The following MEF2D variants were observed in gnomAD, a reference collection of about 807,000 sequenced individuals.
MEF2D encodes the protein myocyte enhancer factor 2D, also known as myocyte-specific enhancer factor 2D.
In MEF2D, 10 loss-of-function variants were observed where a neutral mutation model predicts 59.3. That is an observed-to-expected ratio of 0.17 (90% CI 0.10 to 0.29). MEF2D has a LOEUF of 0.29. Among genes scored for constraint, MEF2D ranks in the 10% least tolerant of loss-of-function variants. MEF2D has a pLI of 1.00. For missense variants in MEF2D, 508 were observed against 699.4 expected, an observed-to-expected ratio of 0.73 and a Z score of 3.09; for synonymous variants, 305 against 295.0, an observed-to-expected ratio of 1.03 and a Z score of -0.35.
chr1:156,483,183 G>A, intron 2 of MEF2D, 56 bp downstream of exon 2: 1 of 1,568,308 alleles, frequency 6.4e-7, no homozygotes, highest in Admixed American at 1.7e-5. Context: ...AGGGAGTAGA[G>A]GCAGAGGCCT....
At position 156,482,623 on chromosome 1, in the gene MEF2D, C is replaced by T. The variant is rs1343430317; in HGVS notation, c.72G>A (p.Arg24=). 6.2e-7 allele frequency: 1 copy of T among 1,614,262 alleles called. No homozygotes were observed. Among genetic ancestry groups the T allele is most frequent in the Non-Finnish European group, 8.5e-7 (1 of 1,180,050 alleles). Residue 24 remains arginine (R), a synonymous_variant, in exon 3 of 12, where the codon CGG becomes CGA. Coordinates refer to ENST00000348159, the MANE Select transcript of MEF2D (RefSeq NM_005920.4). ...ERNRQVTFTK[R]KFGLMKKAYE... is the part of the protein sequence containing the mutation. ...ACGCCTTCTTCATCAGGCCAAACTT[C>T]CGCTTGGTGAAAGTCACCTGCAGAG... is the stretch of plus-strand genomic sequence containing the variant.
At position 156,479,779 on chromosome 1, in the gene MEF2D, G is replaced by A. The variant is rs1216010913; in HGVS notation, c.414C>T (p.Pro138=). The stretch of plus-strand genomic sequence containing the variant: ...GCACCGTGACAGGCATGGCAAAGTT[G>A]GGGGCCGGGACAGTTGACTAGACAG... ...FRRYGSTVPA[P]NFAMPVTVPV... Residue 138 remains proline (P), a synonymous_variant, in exon 5 of 12, where the codon CCC becomes CCT. Coordinates refer to ENST00000348159, the MANE Select transcript of MEF2D (RefSeq NM_005920.4). 1 of 1,551,632 alleles carries A rather than the reference G, an allele frequency of 6.4e-7. No homozygotes were observed. The highest frequency in any genetic ancestry group is 1.2e-5 in the South Asian group (1 of 84,056).
In MEF2D at chr1:156,482,194, G is replaced by C. The variant is rs75809829; in HGVS notation, c.258+243C>G. 5.5e-3 allele frequency among the ~76,000 whole-genome samples: 841 copies of C among 152,354 alleles called. 7 individuals carry two copies. Among genetic ancestry groups the C allele is most frequent in the Non-Finnish European group, 8.7e-3 (593 of 68,036 alleles). The stretch of plus-strand genomic sequence containing the variant: ...ACAGCAGACTCTTGGAGAGGGCAGG[G>C]TGGGTGTGGGCTGGCAGCCTGGCAC... On this transcript the variant is annotated intron_variant, in intron 3 of 11. Transcript: ENST00000348159.
rs1671011595 is a variant in MEF2D, at chr1:156,468,464, G to C, written c.1248-165C>G. Among the ~76,000 whole-genome samples the C allele has an allele frequency of 6.6e-6, 1 of 152,100 alleles. No individual in the cohort carries two copies. The highest frequency in any genetic ancestry group is 1.5e-5 in the Non-Finnish European group (1 of 68,008). ...AATTGGATGGAGAGTGATCAGAAGA[G>C]GGTCGAATGAAGGGAAGAGAAGGGA... is the stretch of plus-strand genomic sequence containing the variant. On this transcript the variant is annotated intron_variant, in intron 10 of 11. Coordinates refer to ENST00000348159, the MANE Select transcript of MEF2D (RefSeq NM_005920.4). This position sits in a 1 kb window ranked among gnomAD's most constrained non-coding sequence, Gnocchi z 4.3.
At position 156,468,897 on chromosome 1, in the gene MEF2D, T is replaced by C. The variant is rs1415980028; in HGVS notation, c.1130A>G (p.Gln377Arg). The part of the protein sequence containing the change: ...PQQPQQPQQP[Q>R]PPQQQPPQPQ... ...CTGCGGTGGCTGCTGCTGTGGAGGC[T>C]GTGGCTGCTGCGGCTGCTGGGGCTG... The change falls in exon 10 of 12, where the codon CAG becomes CGG. Residue 377 changes from glutamine to arginine, a missense_variant. Coordinates refer to ENST00000348159, the MANE Select transcript of MEF2D (RefSeq NM_005920.4). The surrounding 1 kb of genome is among the most constrained non-coding windows in gnomAD (Gnocchi z 4.3). The C allele has an allele frequency of 6.2e-7, 1 of 1,613,176 alleles. No individual in the cohort carries two copies. Among genetic ancestry groups the C allele is most frequent in the Non-Finnish European group, 8.5e-7 (1 of 1,179,670 alleles).
chr1:156,464,999 C>T lies in MEF2D; in HGVS notation c.*2646G>A, dbSNP rs1670755332. ...TCACCCATTCAGCATTTATTGAGTG[C>T]CTACTATGTGCCAGGCACTGGGCGA... On this transcript the variant is annotated 3_prime_UTR_variant, in exon 12 of 12. Coordinates refer to ENST00000348159, the MANE Select transcript of MEF2D (RefSeq NM_005920.4). 1 of 152,382 alleles carries T rather than the reference C, an allele frequency of 6.6e-6. No homozygotes were observed. Among genetic ancestry groups the T allele is most frequent in the South Asian group, 2.1e-4 (1 of 4,830 alleles). The allele number at this position is 152,382 out of a possible 1,614,324, so 9.4% of individuals were successfully genotyped here.
chr1:156,473,234 C>T (rs1374631434), intron 9 of MEF2D, among the ~76,000 whole-genome samples: 2 of 151,932 alleles, frequency 1.3e-5, no homozygotes, highest in Non-Finnish European at 2.9e-5. Flanking sequence ...CTAGGATGGT[C>T]TCGATCTCTT....
At chr1:156,479,385 C>A in intron 5 of MEF2D, 39 bp from the exon 6 acceptor site, 1 of 1,601,052 alleles carries the variant, frequency 6.2e-7, no homozygotes, top group Non-Finnish European at 8.5e-7. Flanking sequence ...TGACAACACT[C>A]CCGCTTCAAG....
rs1670845175 is a variant in MEF2D at position 156,466,353 on chromosome 1, C to G, written c.*1292G>C. ...CACCGCTAACGTTTTCCAAAGGTCG[C>G]TATTTACAATTACAGTAGCCAAGAG... On this transcript the variant is annotated 3_prime_UTR_variant, in exon 12 of 12. Transcript: ENST00000348159. 1 of 152,740 alleles carries G rather than the reference C, an allele frequency of 6.5e-6. No individual in the cohort carries two copies. The highest frequency in any genetic ancestry group is 6.5e-5 in the Admixed American group (1 of 15,282). 9.5% of individuals were successfully genotyped at this position (152,740 alleles called of 1,614,324 possible). A position where few individuals can be genotyped will look rare whatever the true frequency, so the allele number is the denominator to read the frequency against.
intron 9 of MEF2D, among the ~76,000 whole-genome samples, chr1:156,471,314 A>G (rs1023277870): frequency 7.9e-5 from 12 of 152,312 alleles, no homozygotes; most frequent in Middle Eastern, 3.4e-3. Context: ...TATTTTTAGT[A>G]GAGACGGGGT....
chr1:156,489,906 C>A (rs1672647396), intron 1 of MEF2D, among the ~76,000 whole-genome samples: 1 of 152,178 alleles, frequency 6.6e-6, no homozygotes, highest in South Asian at 2.1e-4. Flanking sequence ...CCCTCAGGTT[C>A]ACAACCTTCC....
At chr1:156,497,928 A>G (rs1673225554) in intron 1 of MEF2D, among the ~76,000 whole-genome samples, 1 of 151,816 alleles carries the variant, frequency 6.6e-6, no homozygotes, top group Non-Finnish European at 1.5e-5. Context: ...GGCACGGTAG[A>G]GGAGAAGGGT....
intron 6 of MEF2D, among the ~76,000 whole-genome samples, chr1:156,477,666 C>G (rs202204405): frequency 6.6e-6 from 1 of 152,118 alleles, no homozygotes; most frequent in Admixed American, 6.5e-5. Context: ...GCCTGGAATC[C>G]GGGCCTCACT....
In MEF2D at chr1:156,466,357, T is replaced by A. The variant is rs1311276477; in HGVS notation, c.*1288A>T. 6.5e-6 allele frequency: 1 copy of A among 152,722 alleles called. No homozygotes were observed. The highest frequency in any genetic ancestry group is 1.5e-5 in the Non-Finnish European group (1 of 68,058). The allele number at this position is 152,722 out of a possible 1,614,324, so 9.5% of individuals were successfully genotyped here. On this transcript the variant is annotated 3_prime_UTR_variant, in exon 12 of 12. Coordinates refer to ENST00000348159, the MANE Select transcript of MEF2D (RefSeq NM_005920.4). ...GCTAACGTTTTCCAAAGGTCGCTATTTACAATTACAGTAGCCAAGAGGGAA... is the reference window on the plus strand; with the variant it reads ...GCTAACGTTTTCCAAAGGTCGCTATATACAATTACAGTAGCCAAGAGGGAA...
chr1:156,468,715 G>T lies in MEF2D; in HGVS notation c.1247+65C>A, dbSNP rs1221016311. ...CTGCAGGGAACCCAGCTCCCAAGAG[G>T]TCCCTCCTCTTCCCGTTCAATTCTC... is the stretch of plus-strand genomic sequence containing the variant. On this transcript the variant is annotated intron_variant, in intron 10 of 11. Coordinates refer to ENST00000348159, the MANE Select transcript of MEF2D (RefSeq NM_005920.4). This position sits in a 1 kb window ranked among gnomAD's most constrained non-coding sequence, Gnocchi z 4.3. The T allele has an allele frequency of 1.9e-6, 3 of 1,568,206 alleles. No individual in the cohort carries two copies. Among genetic ancestry groups the T allele is most frequent in the Non-Finnish European group, 2.6e-6 (3 of 1,151,650 alleles).
chr1:156,468,257 G>A lies in MEF2D; in HGVS notation c.1290C>T (p.Val430=). ...TGATGCTGATGTGGGGGTGGGTGGT[G>A]ACTGTGAGGGCAGCACCCACGTGGG... The part of the protein sequence containing the change: ...PLPHVGAALT[V]TTHPHISIKS... Residue 430 remains valine (V), a synonymous_variant, in exon 11 of 12, where the codon GTC becomes GTT. Transcript: ENST00000348159. This position sits in a 1 kb window ranked among gnomAD's most constrained non-coding sequence, Gnocchi z 4.3. The A allele has an allele frequency of 1.3e-6, 2 of 1,586,804 alleles. No homozygotes were observed. Among genetic ancestry groups the A allele is most frequent in the South Asian group, 2.3e-5 (2 of 86,572 alleles).
At chr1:156,475,824 G>A (rs1671535421) in intron 8 of MEF2D, among the ~76,000 whole-genome samples, 1 of 152,242 alleles carries the variant, frequency 6.6e-6, no homozygotes, top group Non-Finnish European at 1.5e-5. Context: ...AGGGAGTTAG[G>A]GAGGGAGGAG....
intron 1 of MEF2D, among the ~76,000 whole-genome samples, chr1:156,485,515 C>T (rs977306488): frequency 3.3e-5 from 4 of 122,830 alleles, no homozygotes; most frequent in Non-Finnish European, 6.7e-5. Context: ...CTACCCTTCT[C>T]CTTCTTCTTT....
chr1:156,494,507 C>T (rs1673013732), intron 1 of MEF2D, among the ~76,000 whole-genome samples: 1 of 152,074 alleles, frequency 6.6e-6, no homozygotes, highest in African/African-American at 2.4e-5. Context: ...GGCTCAGCTT[C>T]CCAACCCATC....
Sources: gnomAD v4.1 joint callset for allele counts (sites outside exome capture counted in the v4.1 genomes callset) on GRCh38, gnomAD v4.1.1 for gene constraint, Gnocchi (gnomAD v3.1) non-coding constraint, MANE v1.5 for transcripts, NCBI Gene and HGNC (gene_info 2026-07-23, HGNC 2026-07-21) for gene names.